GREB1L: variants seen among roughly 807,000 people sequenced by gnomAD.
GREB1L encodes the protein GREB1 like retinoic acid receptor coactivator.
In GREB1L, 17 loss-of-function variants were observed where a neutral mutation model predicts 200.8. The ratio of observed to expected loss-of-function variants is 0.08; its 90% CI spans 0.06 to 0.13. The LOEUF is 0.13. Ranked by LOEUF, GREB1L falls within the 10% of genes least tolerant of loss-of-function variation. The pLI, the probability that GREB1L is intolerant of heterozygous loss-of-function variation, is 1.00. For synonymous variants in GREB1L, 789 were observed against 893.0 expected, an observed-to-expected ratio of 0.88 and a Z score of 2.08; for missense variants, 1,657 against 2,367.7, an observed-to-expected ratio of 0.70 and a Z score of 6.23.
intron 1 of GREB1L, among the ~76,000 whole-genome samples, chr18:21,357,157 C>A (rs1421982425): frequency 6.6e-6 from 1 of 152,152 alleles, no homozygotes; most frequent in African/African-American, 2.4e-5. Flanking sequence ...TGGGTTCAAG[C>A]AATTCTTCTG....
At chr18:21,330,862 G>A (rs1438269895) in intron 1 of GREB1L, among the ~76,000 whole-genome samples, 1 of 152,056 alleles carries the variant, frequency 6.6e-6, no homozygotes, top group Non-Finnish European at 1.5e-5. Context: ...ATTAATGGAG[G>A]TAAAAAGCAC....
intron 2 of GREB1L, among the ~76,000 whole-genome samples, chr18:21,377,230 G>A (rs2040109609): frequency 6.6e-6 from 1 of 151,738 alleles, no homozygotes; most frequent in Non-Finnish European, 1.5e-5. Context: ...TCTATCCCCG[G>A]TGACTTTAGA....
intron 5 of GREB1L, among the ~76,000 whole-genome samples, chr18:21,397,458 G>C (rs1401816823): frequency 6.6e-6 from 1 of 151,104 alleles, no homozygotes; most frequent in Non-Finnish European, 1.5e-5. Flanking sequence ...CCGGGAGGCA[G>C]AGCTTGCAGT....
At chr18:21,513,177 G>A (rs967828124) in intron 27 of GREB1L, among the ~76,000 whole-genome samples, 1 of 152,112 alleles carries the variant, frequency 6.6e-6, no homozygotes, top group African/African-American at 2.4e-5. Flanking sequence ...AGAAAGTGGT[G>A]GAATTAGGAT....
chr18:21,329,138 A>G (rs1397923844), intron 1 of GREB1L, among the ~76,000 whole-genome samples: 1 of 152,068 alleles, frequency 6.6e-6, no homozygotes, highest in African/African-American at 2.4e-5. Context: ...AGCCTGGCCA[A>G]TATGGTGCCA....
chr18:21,501,356 A>G (rs571380000), intron 23 of GREB1L, among the ~76,000 whole-genome samples: 1 of 151,870 alleles, frequency 6.6e-6, no homozygotes, highest in South Asian at 2.1e-4. Flanking sequence ...CCAACCCGTC[A>G]TCTACGTTTT....
intron 1 of GREB1L, among the ~76,000 whole-genome samples, chr18:21,307,587 T>A (rs1411878723): frequency 6.6e-6 from 1 of 152,166 alleles, no homozygotes; most frequent in Non-Finnish European, 1.5e-5. Flanking sequence ...TCAGGGATGG[T>A]GATTACTGTG....
chr18:21,457,042 C>T (rs557763095), intron 15 of GREB1L, among the ~76,000 whole-genome samples: 24 of 152,138 alleles, frequency 1.6e-4, no homozygotes, highest in Non-Finnish European at 2.9e-4. Context: ...TTTGAAGTGA[C>T]GAAATCATCT....
rs564617417 is a variant in GREB1L, at chr18:21,459,961, G to A, written c.2182+5398G>A. 3.6e-4 allele frequency among the ~76,000 whole-genome samples: 54 copies of A among 152,026 alleles called. No individual in the cohort carries two copies. In the South Asian group the frequency reaches 0.011, roughly 31 times the overall value. On this transcript the variant is annotated intron_variant, in intron 15 of 32. Transcript: ENST00000424526. ...TCACCCTCAGGCACATTTACCCCCC[G>A]CTTCACCACAGCCACAATGACTGCC...
At chr18:21,463,085 TTTTGTG>T (rs1443757547) in intron 15 of GREB1L, among the ~76,000 whole-genome samples, 1 of 151,514 alleles carries the variant, frequency 6.6e-6, no homozygotes, top group Non-Finnish European at 1.5e-5. Flanking sequence ...CTTAAAACTA[TTTTGTG>T]TATATCATAG....
chr18:21,485,700 A>G lies in GREB1L; in HGVS notation c.2637A>G (p.Pro879=), dbSNP rs1405570843. The G allele has an allele frequency of 1.9e-5, 30 of 1,551,596 alleles. No homozygotes were observed. The highest frequency in any genetic ancestry group is 2.6e-5 in the Non-Finnish European group (30 of 1,146,932). Residue 879 remains proline, a synonymous_variant, in exon 18 of 33, where the codon CCA becomes CCG. Transcript: ENST00000424526. ...CTCTGCAGTGGGGGATCACGAGCCC[A>G]CTTCTGAGATGTGACGAGACTTTTG... The part of the protein sequence containing the change: ...SKSLQWGITS[P]LLRCDETFEK...
At chr18:21,389,871 T>A (rs1449781769) in intron 4 of GREB1L, among the ~76,000 whole-genome samples, 1 of 152,006 alleles carries the variant, frequency 6.6e-6, no homozygotes, top group East Asian at 1.9e-4. Flanking sequence ...CAAATGATGC[T>A]CAGAAATCAA....
rs377681628 is a variant in GREB1L at position 21,255,246 on chromosome 18, C to T, written c.-120+12853C>T. Among the ~76,000 whole-genome samples the T allele has an allele frequency of 1.6e-4, 25 of 152,256 alleles. No homozygotes were observed. The East Asian group carries it at 3.1e-3, about 19-fold the overall frequency. On this transcript the variant is annotated intron_variant, in intron 1 of 32. Coordinates refer to ENST00000424526, the MANE Select transcript of GREB1L (RefSeq NM_001142966.3). ...CTGCTCATGTGCATTCCTACCTGTACCTTGATATACATTATTTCACTTTCT... is the reference window on the plus strand; with the variant it reads ...CTGCTCATGTGCATTCCTACCTGTATCTTGATATACATTATTTCACTTTCT...
chr18:21,447,784 A>G (rs1430560773), intron 11 of GREB1L, among the ~76,000 whole-genome samples: 1 of 152,186 alleles, frequency 6.6e-6, no homozygotes, highest in Non-Finnish European at 1.5e-5. Flanking sequence ...CCAATTTGAT[A>G]AAGCTGAATG....
chr18:21,414,958 T>C (rs1313087861), intron 7 of GREB1L, among the ~76,000 whole-genome samples: 1 of 152,124 alleles, frequency 6.6e-6, no homozygotes, highest in African/African-American at 2.4e-5. Flanking sequence ...AGTCTTATGA[T>C]TGCCCAAGCT....
intron 1 of GREB1L, among the ~76,000 whole-genome samples, chr18:21,318,394 C>T (rs751526146): frequency 6.6e-5 from 10 of 152,060 alleles, no homozygotes; most frequent in Non-Finnish European, 1.5e-4. Context: ...TTTTCTTTTC[C>T]TCCCAGGTGG....
intron 27 of GREB1L, among the ~76,000 whole-genome samples, chr18:21,511,946 C>G (rs1486265753): frequency 6.6e-6 from 1 of 152,130 alleles, no homozygotes; most frequent in African/African-American, 2.4e-5. Context: ...TGCCCAGCCC[C>G]CAACTGTGTT....
chr18:21,246,486 G>A (rs1214655764), intron 1 of GREB1L, among the ~76,000 whole-genome samples: 1 of 151,924 alleles, frequency 6.6e-6, no homozygotes, highest in African/African-American at 2.4e-5. Flanking sequence ...CTTTTGCTTT[G>A]CATTTCTTTA....
At position 21,500,542 on chromosome 18, in the gene GREB1L, G is replaced by A. The variant is rs1189522801; in HGVS notation, c.3972G>A (p.Val1324=). The A allele has an allele frequency of 1.9e-6, 3 of 1,543,584 alleles. No individual in the cohort carries two copies. The highest frequency in any genetic ancestry group is 2.4e-5 in the South Asian group (2 of 83,558). Residue 1324 remains valine, a splice_region_variant and synonymous_variant, in exon 23 of 33, where the codon GTG becomes GTA. Coordinates refer to ENST00000424526, the MANE Select transcript of GREB1L (RefSeq NM_001142966.3). The stretch of plus-strand genomic sequence containing the variant: ...CCAATTAAAAATCTTTCCATTAGGT[G>A]GGAAAGACGGGCTCCTATTTACAGT... ...RRLLLTGPPQ[V]GKTGSYLQFL...
Sources: gnomAD v4.1 joint callset for allele counts (sites outside exome capture counted in the v4.1 genomes callset) on GRCh38, gnomAD v4.1.1 for gene constraint, MANE v1.5 for transcripts, NCBI Gene and HGNC (gene_info 2026-07-23, HGNC 2026-07-21) for gene names.